Variants in TSGA10 observed in about 807,000 individuals in gnomAD.
TSGA10 encodes the protein testis-specific gene 10 protein.
TSGA10 carries 43 observed loss-of-function variants against 96.6 expected under a neutral mutation model. The observed-to-expected ratio is 0.44, with a 90% CI of 0.35 to 0.57. The LOEUF (loss-of-function observed/expected upper bound fraction) is 0.57. Ranked by LOEUF, TSGA10 falls within the 20% of genes least tolerant of loss-of-function variation. The probability of loss-of-function intolerance (pLI) is 0.01; values close to 1 mark genes in which losing one functional copy is unlikely to be tolerated. For missense variants in TSGA10, 703 were observed against 834.4 expected (o/e 0.84, Z 1.94); for synonymous variants, 229 against 269.9 (o/e 0.85, Z 1.48).
intron 1 of TSGA10, among the ~76,000 whole-genome samples, chr2:99,150,006 T>G (rs1468653799): frequency 6.6e-6 from 1 of 151,984 alleles, no homozygotes; most frequent in Non-Finnish European, 1.5e-5. Flanking sequence ...TTGGCCAGGC[T>G]GGTCTCTCAA....
chr2:99,056,133 A>G (rs2083959683), intron 16 of TSGA10, among the ~76,000 whole-genome samples: 1 of 151,698 alleles, frequency 6.6e-6, no homozygotes, highest in Non-Finnish European at 1.5e-5. Context: ...TGAACCCGGG[A>G]GGCAGCGCTT....
At chr2:99,105,959 C>T (rs965812764) in intron 7 of TSGA10, among the ~76,000 whole-genome samples, 6 of 152,104 alleles carry the variant, frequency 3.9e-5, no homozygotes, top group Admixed American at 2.0e-4. Context: ...GAATGTTTTG[C>T]TAAGAAATAT....
At chr2:99,076,406 C>A (rs1414066097) in intron 12 of TSGA10, among the ~76,000 whole-genome samples, 1 of 152,052 alleles carries the variant, frequency 6.6e-6, no homozygotes, top group Non-Finnish European at 1.5e-5. Context: ...AAAATAAAGA[C>A]CTAATTGTAA....
At chr2:99,100,331 G>A (rs1321828282) in intron 10 of TSGA10, among the ~76,000 whole-genome samples, 1 of 152,166 alleles carries the variant, frequency 6.6e-6, no homozygotes, top group East Asian at 1.9e-4. Context: ...CAAGAACCAT[G>A]TAAAAGACAA....
intron 20 of TSGA10, among the ~76,000 whole-genome samples, chr2:99,000,706 G>A (rs192095728): frequency 2.0e-5 from 3 of 152,284 alleles, no homozygotes; most frequent in East Asian, 1.9e-4. Context: ...GCAGGGCATC[G>A]CCTCACCTGG....
intron 17 of TSGA10, among the ~76,000 whole-genome samples, chr2:99,029,690 C>A (rs965767969): frequency 3.3e-5 from 5 of 152,120 alleles, no homozygotes; most frequent in African/African-American, 1.2e-4. Context: ...TGACAAAATT[C>A]AATATCAATC....
chr2:99,110,777 G>T, intron 5 of TSGA10, 73 bp downstream of exon 5: 2 of 330,192 alleles, frequency 6.1e-6, no homozygotes, highest in Non-Finnish European at 8.7e-6. Context: ...GAGAGCCAAA[G>T]ATATAATTTT....
chr2:99,102,806 T>C (rs968574556), intron 10 of TSGA10: 14 of 1,349,462 alleles, frequency 1.0e-5, no homozygotes, highest in African/African-American at 1.4e-5. Context: ...ATGATTCTCA[T>C]ACCCAGAACT....
chr2:99,100,869 T>C (rs1272185373), intron 10 of TSGA10, among the ~76,000 whole-genome samples: 2 of 129,608 alleles, frequency 1.5e-5, no homozygotes. Context: ...CATATAAATA[T>C]GAAGATAATA....
At chr2:99,114,887 A>G (rs1013060893) in intron 4 of TSGA10, among the ~76,000 whole-genome samples, 1 of 152,168 alleles carries the variant, frequency 6.6e-6, no homozygotes, top group Non-Finnish European at 1.5e-5. Context: ...TTAATTTTTA[A>G]TTTGAAAACA....
At chr2:99,141,189 A>C (rs1216130479) in intron 1 of TSGA10, 3 of 1,197,802 alleles carry the variant, frequency 2.5e-6, no homozygotes, top group African/African-American at 3.3e-5. Context: ...AGAACCGCCC[A>C]CTCTCCATCC....
At chr2:99,030,183 C>T (rs1294436149) in intron 17 of TSGA10, among the ~76,000 whole-genome samples, 5 of 151,776 alleles carry the variant, frequency 3.3e-5, no homozygotes, top group Non-Finnish European at 7.4e-5. Context: ...CCCGTCTCTA[C>T]TAAATACACA....
chr2:99,106,107 G>A lies in TSGA10; in HGVS notation c.211-410C>T, dbSNP rs540229377. Among the ~76,000 whole-genome samples, 17 of 152,016 alleles carry A rather than the reference G, an allele frequency of 1.1e-4. No individual in the cohort carries two copies. The South Asian group carries it at 3.1e-3, about 28-fold the overall frequency. ...AATGCATATGCCATTCCTATGTCTT[G>A]GCTACTTCTGCCCTGACAGAAAGGC... On this transcript the variant is annotated intron_variant, in intron 7 of 20. Transcript: ENST00000393483.
intron 20 of TSGA10, among the ~76,000 whole-genome samples, chr2:99,017,880 T>G (rs920696299): frequency 2.0e-5 from 3 of 152,010 alleles, no homozygotes; most frequent in African/African-American, 7.3e-5. Context: ...GTTTGGGTGT[T>G]GGATGCACCA....
Position 99,018,542 on chromosome 2 carries a change from A to G in TSGA10, c.1916T>C (p.Phe639Ser). ...TGCATAGAGATAAACTTACCTTTCA[A>G]AGCGCTCTGTTCCTAGTTGTCTTTT... ...ITKRQLGTER[F>S]ERERAVQELR... Residue 639 changes from phenylalanine (F) to serine (S), a missense_variant, in exon 19 of 21, where the codon TTT (phenylalanine) becomes TCT (serine). Coordinates refer to ENST00000393483, the MANE Select transcript of TSGA10 (RefSeq NM_025244.4). The G allele has an allele frequency of 1.2e-6, 2 of 1,612,910 alleles. No individual in the cohort carries two copies. The highest frequency in any genetic ancestry group is 1.7e-6 in the Non-Finnish European group (2 of 1,179,680).
chr2:99,103,199 G>A (rs2090968900), intron 10 of TSGA10, among the ~76,000 whole-genome samples: 1 of 151,818 alleles, frequency 6.6e-6, no homozygotes, highest in East Asian at 1.9e-4. Context: ...CGGGGTACAT[G>A]TGCAGAACAT....
At chr2:99,097,535 A>G (rs973931099) in intron 10 of TSGA10, among the ~76,000 whole-genome samples, 7 of 152,220 alleles carry the variant, frequency 4.6e-5, no homozygotes, top group African/African-American at 1.7e-4. Context: ...AGGTTCTTGC[A>G]ATTCTCAGGT....
At chr2:99,118,515 T>G (rs1291604019) in intron 3 of TSGA10, 36 bp downstream of exon 3, 3 of 938,996 alleles carry the variant, frequency 3.2e-6, no homozygotes, top group Non-Finnish European at 3.8e-6. Context: ...ATTATTAACT[T>G]TTTAAAAAGT....
intron 1 of TSGA10, among the ~76,000 whole-genome samples, chr2:99,128,699 T>A (rs1375575569): frequency 6.6e-6 from 1 of 152,212 alleles, no homozygotes; most frequent in Admixed American, 6.5e-5. Context: ...TCTGTAATTT[T>A]GTCCCTTCCT....
Sources: gnomAD v4.1 joint callset for allele counts (sites outside exome capture counted in the v4.1 genomes callset) on GRCh38, gnomAD v4.1.1 for gene constraint, MANE v1.5 for transcripts, NCBI Gene and HGNC (gene_info 2026-07-23, HGNC 2026-07-21) for gene names.